Variants in TRMT11 observed in about 807,000 individuals in gnomAD.
TRMT11 encodes the protein tRNA (guanine(10)-N(2))-methyltransferase TRMT11.
A neutral mutation model predicts 62.8 loss-of-function variants in TRMT11; 53 were observed. That is an observed-to-expected ratio of 0.84 (90% confidence interval 0.68 to 1.06). The LOEUF (loss-of-function observed/expected upper bound fraction) is 1.06. TRMT11 is among the 50% of genes least tolerant of loss of function. The probability of loss-of-function intolerance (pLI) is 0.00; values close to 1 mark genes in which losing one functional copy is unlikely to be tolerated. For missense variants in TRMT11, 556 were observed against 553.4 expected (o/e 1.00, Z -0.05); for synonymous variants, 188 against 190.3 (o/e 0.99, Z 0.10).
intron 21 of TRMT11, among the ~76,000 whole-genome samples, chr6:126,169,053 A>C (rs1174146897): frequency 6.6e-6 from 1 of 152,216 alleles, no homozygotes; most frequent in Non-Finnish European, 1.5e-5. Flanking sequence ...AAATCAGGAG[A>C]TCGCACCTAA....
chr6:126,090,638 T>C lies in TRMT11; in HGVS notation c.*1438-22228T>C, dbSNP rs528414179. Among the ~76,000 whole-genome samples the C allele has an allele frequency of 2.0e-5, 3 of 152,254 alleles. No individual in the cohort carries two copies. In the South Asian group the frequency reaches 6.2e-4, roughly 32 times the overall value. ...TGGAGTCATTTCTCTCTCTTGAAAA[T>C]TTGAGATTCTATGTAATACTAAAAT... On this transcript the variant is annotated intron_variant and NMD_transcript_variant, in intron 17 of 22. Coordinates refer to the TRMT11 transcript ENST00000648977.
the TRMT11 span, among the ~76,000 whole-genome samples, chr6:126,213,180 G>C: frequency 6.6e-6 from 1 of 152,072 alleles, no homozygotes; most frequent in Non-Finnish European, 1.5e-5. Flanking sequence ...TGGCTCTGTA[G>C]TATAATTTGA....
chr6:126,044,406 C>T (rs11967621), intron 16 of TRMT11, among the ~76,000 whole-genome samples: 1,607 of 152,174 alleles, frequency 0.011, 23 homozygotes, highest in African/African-American at 0.036. Flanking sequence ...TCTGTTCCGT[C>T]GATCTATATC....
chr6:126,254,568 C>T, the TRMT11 span, among the ~76,000 whole-genome samples: 5 of 152,320 alleles, frequency 3.3e-5, no homozygotes, highest in Admixed American at 1.3e-4. Flanking sequence ...TGTGTAAAAT[C>T]GGTTGGCCCC....
intron 17 of TRMT11, among the ~76,000 whole-genome samples, chr6:126,096,135 GTT>G (rs1777337113): frequency 9.9e-5 from 15 of 152,278 alleles, no homozygotes; most frequent in Admixed American, 2.0e-4. Flanking sequence ...GGAGAATTCT[GTT>G]TTTCTTGGAA....
downstream of TRMT11, among the ~76,000 whole-genome samples, chr6:126,204,533 G>A (rs568263293): frequency 5.3e-5 from 8 of 152,318 alleles, no homozygotes; most frequent in African/African-American, 1.9e-4. Flanking sequence ...TCTTGCTTCA[G>A]AGGGCAGCAG....
At chr6:126,257,511 G>A in the TRMT11 span, among the ~76,000 whole-genome samples, 1 of 151,962 alleles carries the variant, frequency 6.6e-6, no homozygotes, top group African/African-American at 2.4e-5. Context: ...CATAAATCTG[G>A]CCTGATAAAA....
chr6:126,124,031 A>C (rs1777680538), intron 21 of TRMT11, among the ~76,000 whole-genome samples: 1 of 151,806 alleles, frequency 6.6e-6, no homozygotes, highest in African/African-American at 2.4e-5. Context: ...GTTTTCTCTG[A>C]GTCTCTTTCT....
intron 17 of TRMT11, among the ~76,000 whole-genome samples, chr6:126,069,987 G>T (rs1030302268): frequency 1.3e-5 from 2 of 151,960 alleles, no homozygotes; most frequent in East Asian, 3.8e-4. Flanking sequence ...CTGGTCTCCC[G>T]GGGAGGGTTT....
chr6:126,045,471 A>C (rs1776025184), intron 16 of TRMT11, among the ~76,000 whole-genome samples: 1 of 152,220 alleles, frequency 6.6e-6, no homozygotes, highest in African/African-American at 2.4e-5. Flanking sequence ...CATGTTGACC[A>C]AATTTCATGA....
Position 126,094,118 on chromosome 6 carries a change from C to T in TRMT11, c.*1438-18748C>T, listed in dbSNP as rs528712783. Among the ~76,000 whole-genome samples the T allele has an allele frequency of 3.9e-3, 588 of 151,966 alleles. 2 individuals are homozygous for T. The highest frequency in any genetic ancestry group is 0.013 in the African/African-American group (541 of 41,450). ...ACACACACACACACACACACACACC[C>T]CAAACTTAGACCCATCTTATTGCTG... On this transcript the variant is annotated intron_variant and NMD_transcript_variant, in intron 17 of 22. Transcript: ENST00000648977.
intron 8 of TRMT11, 30 bp from the exon 9 acceptor site, chr6:126,011,223 C>T: frequency 6.3e-7 from 1 of 1,583,066 alleles, no homozygotes; most frequent in Non-Finnish European, 8.6e-7. Flanking sequence ...CTGTTTAATA[C>T]TTTCTCTCTT....
At chr6:126,086,926 C>A (rs1583871162) in intron 17 of TRMT11, among the ~76,000 whole-genome samples, 2 of 152,198 alleles carry the variant, frequency 1.3e-5, no homozygotes, top group African/African-American at 4.8e-5. Context: ...GCTCCCTGTG[C>A]ATACCTTTAT....
chr6:126,222,414 A>G, the TRMT11 span, among the ~76,000 whole-genome samples: 1 of 152,106 alleles, frequency 6.6e-6, no homozygotes, highest in Non-Finnish European at 1.5e-5. Flanking sequence ...AAGTATGGTC[A>G]TGTTAACAAT....
chr6:126,083,559 A>G (rs1777183286), intron 17 of TRMT11, among the ~76,000 whole-genome samples: 1 of 152,124 alleles, frequency 6.6e-6, no homozygotes, highest in South Asian at 2.1e-4. Context: ...TAGTAAACAG[A>G]TTATTATAGT....
intron 7 of TRMT11, among the ~76,000 whole-genome samples, chr6:126,000,848 C>T (rs1254655105): frequency 1.3e-5 from 2 of 152,130 alleles, no homozygotes; most frequent in Non-Finnish European, 2.9e-5. Flanking sequence ...TCCCCACTCT[C>T]ATTATCCTAA....
intron 17 of TRMT11, among the ~76,000 whole-genome samples, chr6:126,084,799 C>T (rs1175499142): frequency 1.3e-5 from 2 of 152,018 alleles, no homozygotes; most frequent in African/African-American, 2.4e-5. Context: ...CATGGATGAA[C>T]CTGGAGGATA....
Position 126,039,028 on chromosome 6 carries a change from G to T in TRMT11, c.*192G>T. 1 of 464,904 alleles carries T rather than the reference G, an allele frequency of 2.2e-6. No homozygotes were observed. Among genetic ancestry groups the T allele is most frequent in the Non-Finnish European group, 3.7e-6 (1 of 268,520 alleles). The allele number at this position is 464,904 out of a possible 1,614,324, so 28.8% of individuals were successfully genotyped here. A position where few individuals can be genotyped will look rare whatever the true frequency, so the allele number is the denominator to read the frequency against. ...AGACTTTTTTGTTGTATGTATTACA[G>T]TCTTTATAATCTTATTTAATGTATA... On this transcript the variant is annotated 3_prime_UTR_variant, in exon 13 of 13. Transcript: ENST00000334379.
At chr6:126,207,265 G>A (rs561046095), downstream of TRMT11, among the ~76,000 whole-genome samples, 1 of 152,140 alleles carries the variant, frequency 6.6e-6, no homozygotes. Flanking sequence ...GAATTGTTTT[G>A]TTTGGAGGTG....
Sources: gnomAD v4.1 joint callset for allele counts (sites outside exome capture counted in the v4.1 genomes callset) on GRCh38, gnomAD v4.1.1 for gene constraint, MANE v1.5 for transcripts, NCBI Gene and HGNC (gene_info 2026-07-23, HGNC 2026-07-21) for gene names.